NDFIP1: variants seen among roughly 807,000 people sequenced by gnomAD.
NDFIP1 encodes the protein Nedd4 family interacting protein 1.
A neutral mutation model predicts 28.8 loss-of-function variants in NDFIP1; 7 were observed. The observed-to-expected ratio is 0.24, with a 90% CI of 0.14 to 0.46. NDFIP1 has a LOEUF of 0.46. NDFIP1 is among the 20% of genes least tolerant of loss of function. The pLI, the probability that NDFIP1 is intolerant of heterozygous loss-of-function variation, is 0.99. For missense variants in NDFIP1, 194 were observed against 269.1 expected (o/e 0.72, Z 1.95); for synonymous variants, 92 against 101.0 (o/e 0.91, Z 0.53).
Position 142,137,781 on chromosome 5 carries a change from A to G in NDFIP1, c.418A>G (p.Thr140Ala), listed in dbSNP as rs1189909547. The change falls in exon 5 of 8, where the codon ACC (threonine) becomes GCC (alanine). Residue 140 changes from threonine (T) to alanine (A), a missense_variant. Transcript: ENST00000253814. ...WIGFFLSFCL[T>A]TSAAGRYGAI... ...TGGGTTTTTCCTGTCTTTTTGCCTG[A>G]CCACTTCAGCTGCAGGAAGGTATGG... 2 of 1,614,024 alleles carry G rather than the reference A, an allele frequency of 1.2e-6. No individual in the cohort carries two copies. Among genetic ancestry groups the G allele is most frequent in the East Asian group, 4.5e-5 (2 of 44,876 alleles).
At chr5:142,115,169 A>G (rs913217748) in intron 1 of NDFIP1, among the ~76,000 whole-genome samples, 3 of 152,218 alleles carry the variant, frequency 2.0e-5, no homozygotes, top group African/African-American at 7.2e-5. Flanking sequence ...AAGAGATTCA[A>G]GTGACATCCT....
chr5:142,136,896 T>C (rs1277138226), intron 4 of NDFIP1, among the ~76,000 whole-genome samples: 1 of 140,296 alleles, frequency 7.1e-6, no homozygotes, highest in African/African-American at 2.7e-5. Context: ...AGAAACCCCA[T>C]CTCTACTAAA....
Position 142,153,195 on chromosome 5 carries a change from C to T in NDFIP1, c.*1467C>T, listed in dbSNP as rs892682108. The T allele has an allele frequency of 2.3e-6, 1 of 438,034 alleles. No individual in the cohort carries two copies. The highest frequency in any genetic ancestry group is 4.6e-6 in the Non-Finnish European group (1 of 218,622). The allele number at this position is 438,034 out of a possible 1,614,324, so 27.1% of individuals were successfully genotyped here. A position where few individuals can be genotyped will look rare whatever the true frequency, so the allele number is the denominator to read the frequency against. ...TGAAATTAAAGATTCCTCATTTCTC[C>T]TGATTTCTATTCTTGTCTCAATCTT... On this transcript the variant is annotated 3_prime_UTR_variant, in exon 8 of 8. Coordinates refer to ENST00000253814, the MANE Select transcript of NDFIP1 (RefSeq NM_030571.4).
At chr5:142,132,095 A>T in intron 2 of NDFIP1, 117 bp from the exon 3 acceptor site, 1 of 1,247,718 alleles carries the variant, frequency 8.0e-7, no homozygotes, top group Non-Finnish European at 1.1e-6. Context: ...TTTTGGTTCA[A>T]TTGTTATGTA....
chr5:142,115,247 T>G (rs1195273567), intron 1 of NDFIP1, among the ~76,000 whole-genome samples: 3 of 152,224 alleles, frequency 2.0e-5, no homozygotes, highest in Non-Finnish European at 4.4e-5. Flanking sequence ...TGTTTTACCT[T>G]TAAGCAAGTA....
intron 5 of NDFIP1, among the ~76,000 whole-genome samples, chr5:142,140,076 A>G (rs1757312533): frequency 6.6e-6 from 1 of 152,234 alleles, no homozygotes; most frequent in South Asian, 2.1e-4. Context: ...TATTGTAACC[A>G]TTTCAAGCTA....
At chr5:142,112,567 G>C (rs192600153) in intron 1 of NDFIP1, among the ~76,000 whole-genome samples, 1,616 of 146,790 alleles carry the variant, frequency 0.011, 14 homozygotes, top group Admixed American at 0.021. Context: ...CGAGGTGGGC[G>C]GATCACAAGG....
At chr5:142,128,241 A>G (rs1292450662) in intron 1 of NDFIP1, among the ~76,000 whole-genome samples, 1 of 152,142 alleles carries the variant, frequency 6.6e-6, no homozygotes, top group Non-Finnish European at 1.5e-5. Context: ...GCATCTTTCC[A>G]ACTCTAACCC....
intron 5 of NDFIP1, among the ~76,000 whole-genome samples, chr5:142,139,612 T>C (rs961640781): frequency 1.3e-5 from 2 of 152,180 alleles, no homozygotes; most frequent in Non-Finnish European, 2.9e-5. Context: ...TCAGAAGCCC[T>C]CAATTTCCAC....
chr5:142,116,455 G>A (rs1210660305), intron 1 of NDFIP1, among the ~76,000 whole-genome samples: 1 of 151,552 alleles, frequency 6.6e-6, no homozygotes, highest in Non-Finnish European at 1.5e-5. Context: ...TGCAACCCCT[G>A]CCTTCCAGTT....
chr5:142,148,272 A>G (rs1042315995), intron 7 of NDFIP1, among the ~76,000 whole-genome samples: 4 of 152,222 alleles, frequency 2.6e-5, no homozygotes, highest in African/African-American at 9.6e-5. Flanking sequence ...GTCAAAGTAG[A>G]TATTACAAAA....
rs924992721 is a variant in NDFIP1 at position 142,108,839 on chromosome 5, G to T, written c.-136G>T. The T allele has an allele frequency of 4.5e-6, 3 of 659,398 alleles. No homozygotes were observed. The highest frequency in any genetic ancestry group is 4.4e-5 in the Admixed American group (1 of 22,600). 40.8% of individuals were successfully genotyped at this position (659,398 alleles called of 1,614,324 possible). A position where few individuals can be genotyped will look rare whatever the true frequency, so the allele number is the denominator to read the frequency against. On this transcript the variant is annotated 5_prime_UTR_variant, in exon 1 of 8. Coordinates refer to ENST00000253814, the MANE Select transcript of NDFIP1 (RefSeq NM_030571.4). The stretch of plus-strand genomic sequence containing the variant: ...GCTTACAGCCTGAGAAGAGCGTCTC[G>T]CCCGGGAGCGGCGGCGGCCATCGAG...
chr5:142,138,683 C>T (rs1276707959), intron 5 of NDFIP1, among the ~76,000 whole-genome samples: 1 of 152,058 alleles, frequency 6.6e-6, no homozygotes, highest in Non-Finnish European at 1.5e-5. Context: ...AAGCTTTTCC[C>T]CCACATAGCT....
intron 1 of NDFIP1, among the ~76,000 whole-genome samples, chr5:142,124,102 G>A (rs1384166487): frequency 1.3e-5 from 2 of 152,070 alleles, no homozygotes; most frequent in East Asian, 3.9e-4. Flanking sequence ...GCTCTTGGCT[G>A]TAGGTTTTCC....
intron 1 of NDFIP1, among the ~76,000 whole-genome samples, chr5:142,113,041 AAGTATTTT>A (rs1373464568): frequency 1.3e-5 from 2 of 152,148 alleles, no homozygotes; most frequent in African/African-American, 4.8e-5. Flanking sequence ...AATTCATTTC[AAGTATTTT>A]GGGATACTTG....
chr5:142,121,967 C>A (rs891497577), intron 1 of NDFIP1, among the ~76,000 whole-genome samples: 1 of 152,214 alleles, frequency 6.6e-6, no homozygotes, highest in Admixed American at 6.5e-5. Flanking sequence ...ATGCAAAGGT[C>A]TCAGTCCACA....
At position 142,108,874 on chromosome 5, in the gene NDFIP1, A is replaced by G. The variant is rs1172153014; in HGVS notation, c.-101A>G. 5 of 1,079,106 alleles carry G rather than the reference A, an allele frequency of 4.6e-6. No homozygotes were observed. Among genetic ancestry groups the G allele is most frequent in the Non-Finnish European group, 6.1e-6 (5 of 822,802 alleles). 66.8% of individuals were successfully genotyped at this position (1,079,106 alleles called of 1,614,324 possible). A position where few individuals can be genotyped will look rare whatever the true frequency, so the allele number is the denominator to read the frequency against. On this transcript the variant is annotated 5_prime_UTR_variant, in exon 1 of 8. Transcript: ENST00000253814. ...GGCGGCGGCCATCGAGACCCACCCAAGGCGCGTCCCCCTCGGCCTCCCAGC... is the reference window on the plus strand; with the variant it reads ...GGCGGCGGCCATCGAGACCCACCCAGGGCGCGTCCCCCTCGGCCTCCCAGC...
intron 1 of NDFIP1, among the ~76,000 whole-genome samples, chr5:142,126,119 C>T (rs1432664307): frequency 1.3e-5 from 2 of 152,278 alleles, no homozygotes; most frequent in East Asian, 3.9e-4. Context: ...ACAGGCCACA[C>T]AAACTTAATG....
intron 3 of NDFIP1, among the ~76,000 whole-genome samples, chr5:142,134,797 T>C (rs1470255453): frequency 1.3e-5 from 2 of 152,222 alleles, no homozygotes; most frequent in African/African-American, 2.4e-5. Flanking sequence ...TATTACGTTA[T>C]CAAGTTAGGA....
Sources: allele counts gnomAD v4.1 joint callset (sites outside exome capture counted in the v4.1 genomes callset), GRCh38; gene constraint gnomAD v4.1.1; transcripts MANE v1.5; gene names NCBI Gene and HGNC (gene_info 2026-07-23, HGNC 2026-07-21).